The following TENT4B variants were observed in gnomAD, a reference collection of about 807,000 sequenced individuals.
TENT4B encodes the protein PAP associated domain containing 5.
Under a neutral mutation model 75.0 loss-of-function variants are expected in TENT4B, and 10 were observed. The observed-to-expected ratio is 0.13, with a 90% CI of 0.08 to 0.23. TENT4B has a LOEUF of 0.23. Among genes scored for constraint, TENT4B ranks in the 10% least tolerant of loss-of-function variants. The pLI, the probability that TENT4B is intolerant of heterozygous loss-of-function variation, is 1.00. For synonymous variants in TENT4B, 350 were observed against 357.7 expected (o/e 0.98, Z 0.24); for missense variants, 579 against 893.8 (o/e 0.65, Z 4.49).
chr16:50,190,547 T>C (rs1459825903), intron 1 of TENT4B, among the ~76,000 whole-genome samples: 3 of 152,080 alleles, frequency 2.0e-5, no homozygotes, highest in Non-Finnish European at 4.4e-5. Context: ...ATGTCTTTTG[T>C]GTCTGGCTTC....
intron 1 of TENT4B, among the ~76,000 whole-genome samples, chr16:50,200,663 G>A (rs1457715906): frequency 6.6e-6 from 1 of 151,930 alleles, no homozygotes; most frequent in Non-Finnish European, 1.5e-5. Context: ...TCTCATCTAT[G>A]TATCTTCTTT....
chr16:50,214,887 A>G lies in TENT4B; in HGVS notation c.809+620A>G, dbSNP rs78991982. Among the ~76,000 whole-genome samples the G allele has an allele frequency of 4.7e-3, 722 of 152,354 alleles. 11 individuals are homozygous for G. Among genetic ancestry groups the G allele is most frequent in the African/African-American group, 0.017 (698 of 41,580 alleles). On this transcript the variant is annotated intron_variant, in intron 3 of 11. Coordinates refer to ENST00000561678, the MANE Select transcript of TENT4B (RefSeq NM_001365324.3). ...CTGACACAGATGTTAATGTAGTATC[A>G]TGATAAAATGTCTGATTATATATCC...
upstream of TENT4B, among the ~76,000 whole-genome samples, chr16:50,153,190 G>GC (rs1415037207): frequency 1.6e-5 from 2 of 127,908 alleles, no homozygotes; most frequent in African/African-American, 5.6e-5. Flanking sequence ...CGGTGGGGGG[G>GC]GGGGGCGGAG....
intron 1 of TENT4B, among the ~76,000 whole-genome samples, chr16:50,182,439 G>T (rs553619941): frequency 6.6e-6 from 1 of 151,986 alleles, no homozygotes; most frequent in East Asian, 1.9e-4. Flanking sequence ...ATACCTCTTC[G>T]TTATAAAGTA....
At chr16:50,192,195 C>CACA (rs1555509790) in intron 1 of TENT4B, among the ~76,000 whole-genome samples, 1 of 147,168 alleles carries the variant, frequency 6.8e-6, no homozygotes, top group Non-Finnish European at 1.5e-5. Context: ...GAGCTGAGAT[C>CACA]ACACTCCAGC....
intron 1 of TENT4B, among the ~76,000 whole-genome samples, chr16:50,182,917 T>C (rs2038447671): frequency 7.1e-6 from 1 of 140,572 alleles, no homozygotes; most frequent in Admixed American, 7.2e-5. Flanking sequence ...TTTTTTTTTT[T>C]TTTTTGAGTT....
chr16:50,217,111 A>C (rs758490623), intron 4 of TENT4B, among the ~76,000 whole-genome samples: 42 of 152,296 alleles, frequency 2.8e-4, no homozygotes, highest in African/African-American at 1.0e-3. Context: ...ATACTCAGAA[A>C]GTGTTCTCCA....
At chr16:50,194,632 C>T (rs1279678606) in intron 1 of TENT4B, among the ~76,000 whole-genome samples, 1 of 151,868 alleles carries the variant, frequency 6.6e-6, no homozygotes, top group African/African-American at 2.4e-5. Flanking sequence ...CTCACTGGAG[C>T]ATCAATTTCC....
chr16:50,223,073 A>G, intron 6 of TENT4B, 101 bp from the exon 7 acceptor site: 3 of 1,043,334 alleles, frequency 2.9e-6, no homozygotes, highest in Non-Finnish European at 4.2e-6. Context: ...CTAAACCAAA[A>G]TTATAATAAT....
intron 1 of TENT4B, among the ~76,000 whole-genome samples, chr16:50,155,223 G>A (rs773532112): frequency 3.3e-5 from 5 of 149,538 alleles, no homozygotes; most frequent in Non-Finnish European, 7.4e-5. Context: ...TGCTGGAATA[G>A]GTCACTGAAT....
At chr16:50,217,793 T>TCTCC in intron 5 of TENT4B, 130 bp downstream of exon 5, 1 of 531,464 alleles carries the variant, frequency 1.9e-6, no homozygotes. Context: ...AGAGCTAGGG[T>TCTCC]CTCACTCTGT....
intron 1 of TENT4B, among the ~76,000 whole-genome samples, chr16:50,201,203 CT>C (rs977885045): frequency 6.6e-6 from 1 of 152,150 alleles, no homozygotes; most frequent in East Asian, 1.9e-4. Flanking sequence ...TAAATGGATT[CT>C]TTGTGAATCA....
chr16:50,154,040 A>G lies in TENT4B; in HGVS notation c.419A>G (p.His140Arg). The G allele has an allele frequency of 6.5e-7, 1 of 1,529,904 alleles. No individual in the cohort carries two copies. Among genetic ancestry groups the G allele is most frequent in the Non-Finnish European group, 8.7e-7 (1 of 1,144,700 alleles). The allele number at this position is 1,529,904 out of a possible 1,614,324, so 94.8% of individuals were successfully genotyped here. A position where few individuals can be genotyped will look rare whatever the true frequency, so the allele number is the denominator to read the frequency against. Residue 140 changes from histidine to arginine, a missense_variant, in exon 1 of 12, where the codon CAC becomes CGC. Physicochemically the swap from His to Arg is conservative, Grantham distance 29. Around this residue, in one of 7 missense-constraint regions of TENT4B, gnomAD observed 253 missense variants for 270.1 expected, o/e 0.94. Coordinates refer to ENST00000561678, the MANE Select transcript of TENT4B (RefSeq NM_001365324.3). ...CCTCCCTCGGCGTCCTCGTCCCCGC[A>G]CCCTTCGGCCGCCGTCCCCGCCGCC... ...SSPPSASSSP[H>R]PSAAVPAADP...
In TENT4B at chr16:50,230,217, C is replaced by T. The variant is rs2032240313; in HGVS notation, c.*889C>T. On this transcript the variant is annotated 3_prime_UTR_variant, in exon 12 of 12. Transcript: ENST00000561678. ...TTGCAACTGTTTTCTATAGTGCTGT[C>T]GTCTTGGGCAATGGGCAATTACATG... 2 of 981,116 alleles carry T rather than the reference C, an allele frequency of 2.0e-6. No homozygotes were observed. The highest frequency in any genetic ancestry group is 1.8e-5 in the African/African-American group (1 of 55,918). 60.8% of individuals were successfully genotyped at this position (981,116 alleles called of 1,614,324 possible). A position where few individuals can be genotyped will look rare whatever the true frequency, so the allele number is the denominator to read the frequency against.
chr16:50,165,266 G>T (rs1422583579), intron 1 of TENT4B, among the ~76,000 whole-genome samples: 1 of 150,044 alleles, frequency 6.7e-6, no homozygotes, highest in East Asian at 1.9e-4. Context: ...CCAATTTCTT[G>T]TTGACCATTT....
intron 1 of TENT4B, among the ~76,000 whole-genome samples, chr16:50,163,531 C>T (rs1264621854): frequency 2.0e-5 from 3 of 150,658 alleles, no homozygotes; most frequent in Non-Finnish European, 4.4e-5. Context: ...TCCCGAGTAG[C>T]TGGGACTACA....
In TENT4B at chr16:50,233,819, C is replaced by G; in HGVS notation, c.*4491C>G. ...CCAGAGAGATGGATGTAGTGCATTCCCTTTGGTTATTACACATTTGTGGTA... is the reference window on the plus strand; with the variant it reads ...CCAGAGAGATGGATGTAGTGCATTCGCTTTGGTTATTACACATTTGTGGTA... On this transcript the variant is annotated 3_prime_UTR_variant, in exon 12 of 12. Coordinates refer to ENST00000561678, the MANE Select transcript of TENT4B (RefSeq NM_001365324.3). 2.0e-6 allele frequency: 2 copies of G among 985,210 alleles called. No homozygotes were observed. The highest frequency in any genetic ancestry group is 9.4e-5 in the South Asian group (2 of 21,268). 61.0% of individuals were successfully genotyped at this position (985,210 alleles called of 1,614,324 possible). A position where few individuals can be genotyped will look rare whatever the true frequency, so the allele number is the denominator to read the frequency against.
intron 1 of TENT4B, among the ~76,000 whole-genome samples, chr16:50,196,682 C>T (rs941768676): frequency 1.3e-5 from 2 of 151,860 alleles, no homozygotes; most frequent in South Asian, 2.1e-4. Flanking sequence ...AATCCCAGCA[C>T]TTTGGGAGGC....
chr16:50,163,514 C>T (rs1429738900), intron 1 of TENT4B, among the ~76,000 whole-genome samples: 1 of 151,078 alleles, frequency 6.6e-6, no homozygotes, highest in Non-Finnish European at 1.5e-5. Flanking sequence ...ATTCTCCTGC[C>T]TCATCCTCCC....
Sources: gnomAD v4.1 joint callset for allele counts (sites outside exome capture counted in the v4.1 genomes callset) on GRCh38, gnomAD v4.1.1 for gene constraint, gnomAD v4.1.1 regional missense constraint, MANE v1.5 for transcripts, NCBI Gene and HGNC (gene_info 2026-07-23, HGNC 2026-07-21) for gene names.